Variants in ELAPOR1 observed in about 807,000 individuals in gnomAD.
The protein encoded by ELAPOR1 is endosome-lysosome associated apoptosis and autophagy regulator 1, also known as endosome/lysosome-associated apoptosis and autophagy regulator 1.
In ELAPOR1, 77 loss-of-function variants were observed where a neutral mutation model predicts 119.7. The ratio of observed to expected loss-of-function variants is 0.64; its 90% confidence interval spans 0.54 to 0.78. The LOEUF is 0.78. Ranked by LOEUF, ELAPOR1 falls within the 30% of genes least tolerant of loss-of-function variation. The probability of loss-of-function intolerance (pLI) is 0.00; values close to 1 mark genes in which losing one functional copy is unlikely to be tolerated. For synonymous variants in ELAPOR1, 481 were observed against 487.2 expected, an observed-to-expected ratio of 0.99 and a Z score of 0.17; for missense variants, 1,115 against 1,270.4, an observed-to-expected ratio of 0.88 and a Z score of 1.86.
At chr1:109,190,779 T>C (rs1464946492) in intron 11 of ELAPOR1, among the ~76,000 whole-genome samples, 2 of 152,204 alleles carry the variant, frequency 1.3e-5, no homozygotes, top group Non-Finnish European at 2.9e-5. Flanking sequence ...TGGCTCTCTC[T>C]TTCCCAAAAG....
At chr1:109,192,963 G>T (rs1653546499) in intron 14 of ELAPOR1, 89 bp downstream of exon 14, 3 of 1,432,716 alleles carry the variant, frequency 2.1e-6, no homozygotes, top group Admixed American at 4.2e-5. Context: ...TTCTTGAGAG[G>T]CTGATACCCG....
intron 1 of ELAPOR1, among the ~76,000 whole-genome samples, chr1:109,158,129 T>C (rs1313896165): frequency 6.6e-6 from 1 of 152,036 alleles, no homozygotes; most frequent in Non-Finnish European, 1.5e-5. Context: ...CTCAAGTAAT[T>C]CGCCCACCTT....
chr1:109,121,135 A>C (rs1648387131), intron 1 of ELAPOR1, among the ~76,000 whole-genome samples: 1 of 151,858 alleles, frequency 6.6e-6, no homozygotes, highest in African/African-American at 2.4e-5. Flanking sequence ...TGCATTCTGT[A>C]TTTCTTGAAT....
At position 109,114,135 on chromosome 1, in the gene ELAPOR1, A is replaced by T. The variant is rs367642528; in HGVS notation, c.-49A>T. On this transcript the variant is annotated 5_prime_UTR_variant, in exon 1 of 22. Transcript: ENST00000369939. ...TTTTCCGCCTTCTGCCAGCAGAAGC[A>T]GCAGCCGCAGCACCTGAGCCGCTAC... 99 of 1,472,426 alleles carry T rather than the reference A, an allele frequency of 6.7e-5. No homozygotes were observed. In the African/African-American group the frequency reaches 1.3e-3, roughly 19 times the overall value. The allele number at this position is 1,472,426 out of a possible 1,614,324, so 91.2% of individuals were successfully genotyped here. A position where few individuals can be genotyped will look rare whatever the true frequency, so the allele number is the denominator to read the frequency against.
intron 8 of ELAPOR1, 164 bp from the exon 9 acceptor site, chr1:109,188,013 G>T (rs747626124): frequency 1.1e-5 from 15 of 1,395,000 alleles, no homozygotes; most frequent in Non-Finnish European, 1.4e-5. Context: ...ACTGGGCTAG[G>T]TGCTTGGGAT....
chr1:109,139,628 G>A (rs545007021), intron 1 of ELAPOR1, among the ~76,000 whole-genome samples: 38 of 152,200 alleles, frequency 2.5e-4, no homozygotes, highest in Non-Finnish European at 4.9e-4. Context: ...GCCAGATATT[G>A]ACATGAATTG....
chr1:109,130,863 C>A (rs1038114102), intron 1 of ELAPOR1, among the ~76,000 whole-genome samples: 4 of 152,150 alleles, frequency 2.6e-5, no homozygotes, highest in Non-Finnish European at 5.9e-5. Flanking sequence ...ATTAGCTGGA[C>A]ATGGTGACGT....
At chr1:109,187,132 A>T in intron 8 of ELAPOR1, 7 of 985,476 alleles carry the variant, frequency 7.1e-6, no homozygotes, top group Non-Finnish European at 8.4e-6. Context: ...GGCTCCTATG[A>T]TTACATTTCT....
At chr1:109,158,081 T>G (rs1650994101) in intron 1 of ELAPOR1, among the ~76,000 whole-genome samples, 1 of 151,770 alleles carries the variant, frequency 6.6e-6, no homozygotes, top group Non-Finnish European at 1.5e-5. Context: ...AGAGACGGGG[T>G]TTCACCATGA....
intron 11 of ELAPOR1, among the ~76,000 whole-genome samples, chr1:109,191,020 ACT>A (rs1653397578): frequency 6.6e-6 from 1 of 151,676 alleles, no homozygotes. Context: ...GTTCTAATAA[ACT>A]CTGGGAGATG....
chr1:109,138,457 G>A (rs899037490), intron 1 of ELAPOR1, among the ~76,000 whole-genome samples: 3 of 152,038 alleles, frequency 2.0e-5, no homozygotes, highest in African/African-American at 2.4e-5. Flanking sequence ...TCTATGGCTC[G>A]GAGCGCTCAT....
chr1:109,160,312 A>T (rs1651164960), intron 1 of ELAPOR1, among the ~76,000 whole-genome samples: 2 of 151,972 alleles, frequency 1.3e-5, no homozygotes, highest in Admixed American at 6.6e-5. Flanking sequence ...GTCTAAAAAA[A>T]AAAAAAAGAA....
intron 12 of ELAPOR1, 57 bp from the exon 13 acceptor site, chr1:109,191,669 G>T: frequency 6.2e-7 from 1 of 1,604,494 alleles, no homozygotes; most frequent in Non-Finnish European, 8.5e-7. Context: ...CAGCCACATG[G>T]GCACCCACTT....
intron 1 of ELAPOR1, among the ~76,000 whole-genome samples, chr1:109,125,372 A>T (rs901986983): frequency 6.7e-6 from 1 of 148,716 alleles, no homozygotes; most frequent in African/African-American, 2.6e-5. Flanking sequence ...ATGCCTGGCC[A>T]AGCAGTCTGT....
Position 109,114,292 on chromosome 1 carries a change from C to A in ELAPOR1, c.109C>A (p.Gln37Lys). Residue 37 changes from glutamine (Q) to lysine (K), a missense_variant, in exon 1 of 22, where the codon CAG becomes AAG. Transcript: ENST00000369939. Reference protein sequence around the residue: ...RLLLWAGTAFQVTQGTGPELH... With the variant: ...RLLLWAGTAFKVTQGTGPELH... ...GCTGCTCTGGGCTGGGACCGCCTTC[C>A]AGGTGACCCAGGGAACGGGACCGGA... 6.2e-7 allele frequency: 1 copy of A among 1,600,918 alleles called. No individual in the cohort carries two copies. The highest frequency in any genetic ancestry group is 1.3e-5 in the African/African-American group (1 of 74,836).
Position 109,172,013 on chromosome 1 carries a change from C to T in ELAPOR1, c.615C>T (p.Phe205=), listed in dbSNP as rs34364548. ...YPDSSIIFEF[F]VQNDQCQPNA... ...ACTCCAGCATCATCTTTGAGTTTTTCGTAAGCCCCTGGCCAAGGTGGAGGG... is the reference window on the plus strand; with the variant it reads ...ACTCCAGCATCATCTTTGAGTTTTTTGTAAGCCCCTGGCCAAGGTGGAGGG... The change falls in exon 4 of 22, where the codon TTC becomes TTT. Residue 205 remains phenylalanine, a splice_region_variant and synonymous_variant. Coordinates refer to ENST00000369939, the MANE Select transcript of ELAPOR1 (RefSeq NM_020775.5). The T allele has an allele frequency of 0.029, 46,525 of 1,614,124 alleles. 835 individuals are homozygous for T. The highest frequency in any genetic ancestry group is 0.047 in the South Asian group (4,254 of 91,080).
chr1:109,194,742 G>T, intron 15 of ELAPOR1, 148 bp downstream of exon 15: 1 of 630,814 alleles, frequency 1.6e-6, no homozygotes, highest in Non-Finnish European at 2.7e-6. Flanking sequence ...TTCTCCCTGA[G>T]GACTTTTTCC....
chr1:109,160,099 G>A (rs1359686475), intron 1 of ELAPOR1, among the ~76,000 whole-genome samples: 1 of 152,090 alleles, frequency 6.6e-6, no homozygotes, highest in Admixed American at 6.6e-5. Flanking sequence ...TTTCCTAGAT[G>A]ACATTGACAT....
At chr1:109,201,305 G>A in intron 21 of ELAPOR1, 1 of 457,562 alleles carries the variant, frequency 2.2e-6, no homozygotes, top group East Asian at 6.9e-5. Flanking sequence ...CCAGTGGGGG[G>A]TGCTGTCTTC....
Sources: allele counts gnomAD v4.1 joint callset (sites outside exome capture counted in the v4.1 genomes callset), GRCh38; gene constraint gnomAD v4.1.1; transcripts MANE v1.5; gene names NCBI Gene and HGNC (gene_info 2026-07-23, HGNC 2026-07-21).